CDH13: variants seen among roughly 807,000 people sequenced by gnomAD.
CDH13 encodes the protein cadherin 13, also known as cadherin-13.
CDH13 carries 24 observed loss-of-function variants against 63.8 expected under a neutral mutation model. That is an observed-to-expected ratio of 0.38 (90% CI 0.27 to 0.53). The LOEUF (loss-of-function observed/expected upper bound fraction) is 0.53. Ranked by LOEUF, CDH13 falls within the 20% of genes least tolerant of loss-of-function variation. The probability of loss-of-function intolerance (pLI) is 0.85; values close to 1 mark genes in which losing one functional copy is unlikely to be tolerated. For synonymous variants in CDH13, 503 were observed against 355.3 expected (o/e 1.42, Z -4.67); for missense variants, 1,049 against 903.1 (o/e 1.16, Z -2.07).
At chr16:83,277,668 G>A (rs528840103) in intron 5 of CDH13, among the ~76,000 whole-genome samples, 43 of 152,282 alleles carry the variant, frequency 2.8e-4, no homozygotes, top group African/African-American at 1.0e-3. Context: ...CAGACTCAAA[G>A]TAGCAGATAA....
rs568660408 is a variant in CDH13, at chr16:83,542,849, G to A, written c.960+56194G>A. 1.3e-3 allele frequency among the ~76,000 whole-genome samples: 196 copies of A among 152,326 alleles called. 1 individual carries two copies. The highest frequency in any genetic ancestry group is 2.0e-3 in the Non-Finnish European group (138 of 68,036). ...CCAATCATATTGGCTTAGGGCCCGT[G>A]CTCATGACCTCATTTTATCTTGTTT... On this transcript the variant is annotated intron_variant, in intron 7 of 13. Transcript: ENST00000567109.
intron 7 of CDH13, among the ~76,000 whole-genome samples, chr16:83,532,521 G>A (rs2075103153): frequency 6.6e-6 from 1 of 152,210 alleles, no homozygotes; most frequent in Admixed American, 6.5e-5. Flanking sequence ...CGGGCTCTTT[G>A]CTGCTGCATC....
At chr16:83,465,436 C>G (rs1365552051) in intron 6 of CDH13, among the ~76,000 whole-genome samples, 1 of 152,110 alleles carries the variant, frequency 6.6e-6, no homozygotes, top group African/African-American at 2.4e-5. Context: ...GCACTCTGTC[C>G]CCATGGACAT....
chr16:83,437,511 A>G (rs533787078), intron 6 of CDH13, among the ~76,000 whole-genome samples: 1 of 152,068 alleles, frequency 6.6e-6, no homozygotes, highest in African/African-American at 2.4e-5. Flanking sequence ...CCCCGTCTCT[A>G]CTACAAATAC....
At chr16:83,281,862 G>A (rs368518835) in intron 5 of CDH13, among the ~76,000 whole-genome samples, 31 of 152,192 alleles carry the variant, frequency 2.0e-4, no homozygotes, top group African/African-American at 6.7e-4. Context: ...GCAGTGAGCC[G>A]AGATTGCACC....
chr16:83,701,700 T>C (rs1003441806), intron 10 of CDH13, among the ~76,000 whole-genome samples: 4 of 152,130 alleles, frequency 2.6e-5, no homozygotes. Flanking sequence ...CTCAGGACGT[T>C]ACTACGATCC....
chr16:83,485,791 T>G (rs908427709), intron 6 of CDH13, among the ~76,000 whole-genome samples: 2 of 152,154 alleles, frequency 1.3e-5, no homozygotes, highest in Non-Finnish European at 2.9e-5. Flanking sequence ...GCATGCCTCT[T>G]TGTACTCCTG....
chr16:82,879,154 C>T (rs2040606709), intron 2 of CDH13, among the ~76,000 whole-genome samples: 1 of 152,112 alleles, frequency 6.6e-6, no homozygotes, highest in African/African-American at 2.4e-5. Context: ...AGCTCTGGTC[C>T]TCATAGTATT....
At chr16:82,806,783 C>T (rs1376111209) in intron 1 of CDH13, among the ~76,000 whole-genome samples, 1 of 152,110 alleles carries the variant, frequency 6.6e-6, no homozygotes, top group Non-Finnish European at 1.5e-5. Flanking sequence ...AGTCCTGTTT[C>T]TCTAGCAGTG....
At chr16:83,610,924 G>T (rs183834982) in intron 8 of CDH13, among the ~76,000 whole-genome samples, 1 of 152,258 alleles carries the variant, frequency 6.6e-6, no homozygotes, top group East Asian at 1.9e-4. Flanking sequence ...TGAGAATCTT[G>T]ACTGCTATAT....
chr16:82,684,282 C>T, intron 1 of CDH13, among the ~76,000 whole-genome samples: 1 of 152,182 alleles, frequency 6.6e-6, no homozygotes, highest in East Asian at 1.9e-4. Context: ...TGGTGTCTGA[C>T]ATAAGGGTTT....
intron 6 of CDH13, among the ~76,000 whole-genome samples, chr16:83,420,161 A>C (rs561752819): frequency 2.0e-5 from 3 of 152,190 alleles, no homozygotes. Flanking sequence ...AGATGCTACA[A>C]ATTGAAATGA....
chr16:83,183,485 G>C (rs935368170), intron 4 of CDH13, among the ~76,000 whole-genome samples: 2 of 152,200 alleles, frequency 1.3e-5, no homozygotes, highest in Non-Finnish European at 2.9e-5. Context: ...AATTGGGTAC[G>C]CACCAAGTCC....
intron 8 of CDH13, among the ~76,000 whole-genome samples, chr16:83,645,272 A>G (rs1434065251): frequency 6.6e-6 from 1 of 152,234 alleles, no homozygotes; most frequent in Non-Finnish European, 1.5e-5. Context: ...GGAGGCTATT[A>G]TCCTATGTGA....
intron 6 of CDH13, among the ~76,000 whole-genome samples, chr16:83,431,294 T>C (rs910315225): frequency 6.6e-6 from 1 of 151,970 alleles, no homozygotes. Context: ...ACACCAGTTC[T>C]TATAATTGTT....
intron 4 of CDH13, among the ~76,000 whole-genome samples, chr16:83,170,021 T>C (rs2037854221): frequency 6.6e-6 from 1 of 152,122 alleles, no homozygotes; most frequent in Admixed American, 6.6e-5. Context: ...CAAATGTTAT[T>C]TTATTTTATT....
At chr16:83,633,519 G>C (rs1344217533) in intron 8 of CDH13, among the ~76,000 whole-genome samples, 1 of 152,204 alleles carries the variant, frequency 6.6e-6, no homozygotes, top group Admixed American at 6.5e-5. Flanking sequence ...TCTGAAAGGA[G>C]TTTGTTTTCA....
rs75957608 is a variant in CDH13 at position 83,269,371 on chromosome 16, A to G, written c.636+51874A>G. Among the ~76,000 whole-genome samples, 1,320 of 152,330 alleles carry G rather than the reference A, an allele frequency of 8.7e-3. 13 individuals carry two copies. Among genetic ancestry groups the G allele is most frequent in the African/African-American group, 0.03 (1,252 of 41,552 alleles). On this transcript the variant is annotated intron_variant, in intron 5 of 13. Transcript: ENST00000567109. ...GCAATGCATTACTGCTGTATGCATC[A>G]TAAATAGACACACCATCCTTCATGT...
chr16:83,475,140 A>G (rs2073568496), intron 6 of CDH13, among the ~76,000 whole-genome samples: 2 of 152,226 alleles, frequency 1.3e-5, no homozygotes, highest in South Asian at 2.1e-4. Flanking sequence ...AAGAATGTCA[A>G]GAGGGTGACA....
Sources: gnomAD v4.1 joint callset for allele counts (sites outside exome capture counted in the v4.1 genomes callset) on GRCh38, gnomAD v4.1.1 for gene constraint, MANE v1.5 for transcripts, NCBI Gene and HGNC (gene_info 2026-07-23, HGNC 2026-07-21) for gene names.